Variants in KLF12 observed in about 807,000 individuals in gnomAD.
KLF12 encodes Krueppel-like factor 12.
A neutral mutation model predicts 37.8 loss-of-function variants in KLF12; 9 were observed. That is an observed-to-expected ratio of 0.24 (90% CI 0.14 to 0.42). The LOEUF is 0.42. KLF12 is among the 10% of genes least tolerant of loss of function. The probability of loss-of-function intolerance (pLI) is 1.00; values close to 1 mark genes in which losing one functional copy is unlikely to be tolerated. For missense variants in KLF12, 411 were observed against 516.0 expected (o/e 0.80, Z 1.97); for synonymous variants, 208 against 202.1 (o/e 1.03, Z -0.25).
the KLF12 span, among the ~76,000 whole-genome samples, chr13:74,176,159 C>T: frequency 6.6e-6 from 1 of 152,128 alleles, no homozygotes; most frequent in African/African-American, 2.4e-5. Flanking sequence ...TATTATTCCT[C>T]CTTATCAGCA....
Position 73,839,089 on chromosome 13 carries a change from TTAAC to T in KLF12, c.670+6734_670+6737del, listed in dbSNP as rs1464446856. On this transcript the variant is annotated intron_variant, in intron 4 of 7. Transcript: ENST00000377669. ...CCCAGATCTTTATTTGGCTATGACA[TTAAC>T]TTTTTTTTTTTTTTTTTAAGATGGG... 5.3e-5 allele frequency among the ~76,000 whole-genome samples: 8 copies of T among 150,408 alleles called. 1 individual carries two copies. Among genetic ancestry groups the T allele is most frequent in the African/African-American group, 1.7e-4 (7 of 40,340 alleles).
chr13:74,189,882 A>G, the KLF12 span, among the ~76,000 whole-genome samples: 1 of 152,194 alleles, frequency 6.6e-6, no homozygotes, highest in Non-Finnish European at 1.5e-5. Flanking sequence ...GACTTTAAAC[A>G]TTAAAAAACA....
intron 4 of KLF12, among the ~76,000 whole-genome samples, chr13:73,835,708 C>A (rs978464185): frequency 6.6e-6 from 1 of 152,266 alleles, no homozygotes; most frequent in African/African-American, 2.4e-5. Context: ...TATATATACA[C>A]ACCCCCTGCC....
At chr13:74,031,682 A>T (rs569974996) in intron 1 of KLF12, among the ~76,000 whole-genome samples, 51 of 152,254 alleles carry the variant, frequency 3.3e-4, no homozygotes, top group African/African-American at 1.2e-3. Context: ...TAACTAAAAT[A>T]GTTAATATCA....
At chr13:74,021,446 C>T (rs1208478103) in intron 1 of KLF12, among the ~76,000 whole-genome samples, 1 of 152,058 alleles carries the variant, frequency 6.6e-6, no homozygotes, top group Non-Finnish European at 1.5e-5. Flanking sequence ...ACATGATGTT[C>T]GTTTGTGACG....
At chr13:73,752,943 G>A (rs1252568149) in intron 6 of KLF12, among the ~76,000 whole-genome samples, 1 of 151,720 alleles carries the variant, frequency 6.6e-6, no homozygotes. Flanking sequence ...TAGTAGAGAT[G>A]GGGTTTCACT....
At chr13:73,951,378 A>C (rs1017729329) in intron 2 of KLF12, among the ~76,000 whole-genome samples, 2 of 152,146 alleles carry the variant, frequency 1.3e-5, no homozygotes, top group African/African-American at 2.4e-5. Flanking sequence ...AGATGAGAAA[A>C]TTATTAAAGT....
chr13:73,964,036 A>G (rs992051481), intron 2 of KLF12, among the ~76,000 whole-genome samples: 1 of 152,236 alleles, frequency 6.6e-6, no homozygotes, highest in African/African-American at 2.4e-5. Flanking sequence ...ACAATTTATT[A>G]CCAGTGAAAT....
chr13:73,878,337 CA>C (rs1322356655), intron 3 of KLF12, among the ~76,000 whole-genome samples: 2 of 151,924 alleles, frequency 1.3e-5, no homozygotes, highest in East Asian at 3.8e-4. Context: ...TTACATGGGC[CA>C]AAAAGACATA....
the KLF12 span, chr13:74,258,758 C>T: frequency 6.6e-6 from 1 of 152,172 alleles, no homozygotes. Flanking sequence ...CAAAGACTCC[C>T]CACTCTTCCT....
intron 1 of KLF12, among the ~76,000 whole-genome samples, chr13:74,074,068 T>C (rs1874425665): frequency 6.6e-6 from 1 of 152,180 alleles, no homozygotes; most frequent in African/African-American, 2.4e-5. Context: ...GCTGGAAAGC[T>C]AGAAATAACC....
At chr13:73,955,070 A>G (rs996227559) in intron 2 of KLF12, among the ~76,000 whole-genome samples, 1 of 152,212 alleles carries the variant, frequency 6.6e-6, no homozygotes, top group Non-Finnish European at 1.5e-5. Context: ...TCTTATCTGT[A>G]AAGTGCTGAT....
the KLF12 span, among the ~76,000 whole-genome samples, chr13:74,289,580 T>C: frequency 6.6e-6 from 1 of 152,208 alleles, no homozygotes; most frequent in African/African-American, 2.4e-5. Context: ...ATTTTATTTG[T>C]CTTTGACAAG....
At chr13:73,939,054 C>T (rs565614726) in intron 3 of KLF12, among the ~76,000 whole-genome samples, 3 of 152,164 alleles carry the variant, frequency 2.0e-5, no homozygotes, top group Admixed American at 1.3e-4. Flanking sequence ...GCACTATTGC[C>T]GCTCTTCTCT....
At chr13:73,725,944 C>G (rs1876633979) in intron 6 of KLF12, among the ~76,000 whole-genome samples, 1 of 151,906 alleles carries the variant, frequency 6.6e-6, no homozygotes, top group South Asian at 2.1e-4. Context: ...TCTCGGCTCA[C>G]TGCAACCTCC....
chr13:73,925,327 C>G lies in KLF12; in HGVS notation c.123+18654G>C, dbSNP rs139467621. 5.6e-3 allele frequency among the ~76,000 whole-genome samples: 854 copies of G among 152,274 alleles called. 6 individuals carry two copies. Among genetic ancestry groups the G allele is most frequent in the South Asian group, 0.024 (115 of 4,822 alleles). ...TGGTGACTCTAAATTGAAGCCAGTG[C>G]ACATTTACAACTCTGAAAATCCTAG... On this transcript the variant is annotated intron_variant, in intron 3 of 7. Coordinates refer to ENST00000377669, the MANE Select transcript of KLF12 (RefSeq NM_007249.5).
chr13:74,192,449 C>T, the KLF12 span, among the ~76,000 whole-genome samples: 1 of 152,120 alleles, frequency 6.6e-6, no homozygotes, highest in Non-Finnish European at 1.5e-5. Flanking sequence ...TACAAATACC[C>T]ATTAGATCTG....
intron 6 of KLF12, among the ~76,000 whole-genome samples, chr13:73,740,389 C>T (rs1463853568): frequency 6.6e-6 from 1 of 152,178 alleles, no homozygotes; most frequent in Non-Finnish European, 1.5e-5. Context: ...TATATGTAAG[C>T]CACTCAGTCT....
chr13:73,868,534 G>A (rs143211635), intron 3 of KLF12, among the ~76,000 whole-genome samples: 1 of 151,782 alleles, frequency 6.6e-6, no homozygotes, highest in Admixed American at 6.6e-5. Flanking sequence ...GGGACTACAG[G>A]TGCACAACAA....
Sources: allele counts gnomAD v4.1 joint callset (sites outside exome capture counted in the v4.1 genomes callset), GRCh38; gene constraint gnomAD v4.1.1; transcripts MANE v1.5; gene names NCBI Gene and HGNC (gene_info 2026-07-23, HGNC 2026-07-21).